SLC38A9: variants seen among roughly 807,000 people sequenced by gnomAD.
SLC38A9 encodes solute carrier family 38 member 9, also known as neutral amino acid transporter 9.
In SLC38A9, 48 loss-of-function variants were observed where a neutral mutation model predicts 62.3. The observed-to-expected ratio is 0.77, with a 90% CI of 0.61 to 0.98. The LOEUF (loss-of-function observed/expected upper bound fraction) is 0.98. Among genes scored for constraint, SLC38A9 ranks in the 50% least tolerant of loss-of-function variants. The pLI, the probability that SLC38A9 is intolerant of heterozygous loss-of-function variation, is 0.00. For missense variants in SLC38A9, 541 were observed against 679.8 expected, an observed-to-expected ratio of 0.80 and a Z score of 2.27; for synonymous variants, 204 against 227.7, an observed-to-expected ratio of 0.90 and a Z score of 0.94.
chr5:55,708,654 A>G (rs1041067150), intron 2 of SLC38A9, among the ~76,000 whole-genome samples: 27 of 152,224 alleles, frequency 1.8e-4, no homozygotes, highest in African/African-American at 6.5e-4. Flanking sequence ...AAAAATGAAT[A>G]TTACTGAATA....
intron 3 of SLC38A9, among the ~76,000 whole-genome samples, chr5:55,676,736 T>A (rs1752155585): frequency 6.6e-6 from 1 of 152,178 alleles, no homozygotes; most frequent in Admixed American, 6.5e-5. Context: ...GTCAATAGTA[T>A]GCTACGTAGG....
At chr5:55,672,017 A>T (rs1041145018) in intron 4 of SLC38A9, among the ~76,000 whole-genome samples, 12 of 151,916 alleles carry the variant, frequency 7.9e-5, no homozygotes. Flanking sequence ...TTGGCTAATT[A>T]AAAAAATTTT....
chr5:55,626,693 T>C, intron 15 of SLC38A9, 34 bp from the exon 16 acceptor site: 1 of 1,548,436 alleles, frequency 6.5e-7, no homozygotes, highest in Non-Finnish European at 8.7e-7. Flanking sequence ...TTAATATTCA[T>C]CTTGCACTTT....
chr5:55,672,812 T>C (rs537059479), intron 3 of SLC38A9, 117 bp from the exon 4 acceptor site: 7 of 961,534 alleles, frequency 7.3e-6, no homozygotes, highest in Non-Finnish European at 1.1e-5. Flanking sequence ...AGGCAAGGCA[T>C]TGACTTCTCA....
intron 3 of SLC38A9, among the ~76,000 whole-genome samples, chr5:55,683,645 T>A (rs1753348775): frequency 6.6e-6 from 1 of 152,336 alleles, no homozygotes; most frequent in Admixed American, 6.5e-5. Context: ...TAAAGTAGAA[T>A]AATACAATAT....
intron 12 of SLC38A9, 83 bp from the exon 13 acceptor site, chr5:55,635,740 A>T (rs1312269528): frequency 1.2e-6 from 1 of 843,030 alleles, no homozygotes; most frequent in Non-Finnish European, 1.9e-6. Context: ...ACTAACAAAT[A>T]AATATAAAAT....
chr5:55,696,925 G>C, intron 3 of SLC38A9: 1 of 159,610 alleles, frequency 6.3e-6, no homozygotes, highest in South Asian at 1.8e-4. Flanking sequence ...TCCCAGACGA[G>C]GCGGCGGGGC....
At chr5:55,673,535 C>T (rs1408047012) in intron 3 of SLC38A9, 1 of 152,126 alleles carries the variant, frequency 6.6e-6, no homozygotes, top group Non-Finnish European at 1.5e-5. Context: ...TCATAAGTGA[C>T]ACTGTGCCCC....
At chr5:55,687,319 C>T (rs1580355345) in intron 3 of SLC38A9, among the ~76,000 whole-genome samples, 1 of 144,546 alleles carries the variant, frequency 6.9e-6, no homozygotes, top group African/African-American at 2.6e-5. Context: ...CCCAGCTACT[C>T]GGGAGGCTGA....
At chr5:55,661,168 A>G (rs56342409) in intron 8 of SLC38A9, among the ~76,000 whole-genome samples, 91,137 of 151,876 alleles carry the variant, frequency 0.6, 27,915 homozygotes, top group South Asian at 0.7. Context: ...ATCTAGGCCG[A>G]GCGCAGTGGC....
intron 10 of SLC38A9, among the ~76,000 whole-genome samples, chr5:55,649,982 C>T (rs1304826257): frequency 6.6e-6 from 1 of 151,870 alleles, no homozygotes; most frequent in Non-Finnish European, 1.5e-5. Flanking sequence ...TTGAAAAAAA[C>T]AACATGAAAC....
chr5:55,643,997 G>T (rs1236631672), intron 12 of SLC38A9, among the ~76,000 whole-genome samples: 1 of 152,158 alleles, frequency 6.6e-6, no homozygotes, highest in African/African-American at 2.4e-5. Context: ...GTGTTGCTCT[G>T]TTGCTCAGGC....
chr5:55,627,950 A>AT lies in SLC38A9; in HGVS notation c.1460_1461insA (p.Ile488TyrfsTer53). ...CCATGATCACTCCAGCTCCCACAAT[A>AT]ATTAGATTAAGAATCAGCACATGGA... On this transcript the variant is annotated frameshift_variant, in exon 15 of 16. Transcript: ENST00000396865. LOFTEE classifies it high-confidence loss of function. The AT allele has an allele frequency of 6.2e-7, 1 of 1,612,820 alleles. No homozygotes were observed. The highest frequency in any genetic ancestry group is 1.1e-5 in the South Asian group (1 of 90,900).
At chr5:55,692,768 G>C in intron 3 of SLC38A9, 1 of 985,348 alleles carries the variant, frequency 1.0e-6, no homozygotes, top group Non-Finnish European at 1.2e-6. Context: ...TGTTGTCACA[G>C]TGGTCAATTA....
chr5:55,652,439 G>GA, intron 10 of SLC38A9, 90 bp downstream of exon 10: 1 of 625,012 alleles, frequency 1.6e-6, no homozygotes. Flanking sequence ...AACAGGCTTG[G>GA]AAGGTAACTC....
rs60557392 is a variant in SLC38A9, at chr5:55,652,357, C to CAAAAAA, written c.952+166_952+171dup. Among the ~76,000 whole-genome samples the CAAAAAA allele has an allele frequency of 7.0e-3, 389 of 55,880 alleles. 12 individuals carry two copies. The highest frequency in any genetic ancestry group is 8.6e-3 in the Non-Finnish European group (265 of 30,850). The allele number at this position is 55,880 out of a possible 152,430, so 36.7% of individuals were successfully genotyped here. On this transcript the variant is annotated intron_variant, in intron 10 of 15. Transcript: ENST00000396865. ...GGGCAACAACAGTGAAACTCCGTCT[C>CAAAAAA]AAAAAAAAAAAAAAAAAAAAGAAAG...
chr5:55,676,191 A>G (rs1354770743), intron 3 of SLC38A9, among the ~76,000 whole-genome samples: 1 of 151,976 alleles, frequency 6.6e-6, no homozygotes, highest in Non-Finnish European at 1.5e-5. Flanking sequence ...TCTTTTTGAG[A>G]CAGGATTTTA....
At position 55,629,899 on chromosome 5, in the gene SLC38A9, T is replaced by C. The variant is rs184075046; in HGVS notation, c.1431-1919A>G. 6.3e-3 allele frequency among the ~76,000 whole-genome samples: 960 copies of C among 152,004 alleles called. 10 individuals carry two copies. The highest frequency in any genetic ancestry group is 0.022 in the African/African-American group (930 of 41,472). ...GTATTAATGAAAGTGGGTTTTGATA[T>C]TGTAAAATGAAGTGTGTCAACATTT... On this transcript the variant is annotated intron_variant, in intron 14 of 15. Coordinates refer to ENST00000396865, the MANE Select transcript of SLC38A9 (RefSeq NM_173514.4).
chr5:55,648,946 T>A (rs184752325), intron 11 of SLC38A9, among the ~76,000 whole-genome samples: 1 of 152,098 alleles, frequency 6.6e-6, no homozygotes, highest in Non-Finnish European at 1.5e-5. Context: ...TAAGAAAGGC[T>A]AGATGAAAAA....
Sources: gnomAD v4.1 joint callset for allele counts (sites outside exome capture counted in the v4.1 genomes callset) on GRCh38, gnomAD v4.1.1 for gene constraint, MANE v1.5 for transcripts, NCBI Gene and HGNC (gene_info 2026-07-23, HGNC 2026-07-21) for gene names.